Variants in PRB2 observed in about 807,000 individuals in gnomAD.
PRB2 encodes basic salivary proline-rich protein 2.
PRB2 carries 12 observed loss-of-function variants against 8.3 expected under a neutral mutation model. The observed-to-expected ratio is 1.45, with a 90% CI of 0.93 to 2.35. The LOEUF is 2.35. Among genes scored for constraint, PRB2 ranks in the 30% most tolerant of loss-of-function variants. The pLI is 0.00. For missense variants in PRB2, 470 were observed against 507.0 expected, an observed-to-expected ratio of 0.93 and a Z score of 0.70; for synonymous variants, 146 against 180.0, an observed-to-expected ratio of 0.81 and a Z score of 1.51.
Position 11,394,371 on chromosome 12 carries a change from A to G in PRB2, c.100+124T>C, listed in dbSNP as rs762101216. 5.8e-5 allele frequency: 72 copies of G among 1,232,938 alleles called. 1 individual carries two copies. Among genetic ancestry groups the G allele is most frequent in the Non-Finnish European group, 8.0e-5 (67 of 839,310 alleles). 76.4% of individuals were successfully genotyped at this position (1,232,938 alleles called of 1,614,324 possible). A position where few individuals can be genotyped will look rare whatever the true frequency, so the allele number is the denominator to read the frequency against. On this transcript the variant is annotated intron_variant, in intron 2 of 3. Transcript: ENST00000389362. ...AGGTTGCATGAAGAGTGCCTATATTATTAGGAGCACTAACATTAATCAATT... is the reference window on the plus strand; with the variant it reads ...AGGTTGCATGAAGAGTGCCTATATTGTTAGGAGCACTAACATTAATCAATT...
Position 11,394,482 on chromosome 12 carries a change from A to C in PRB2, c.100+13T>G. The C allele has an allele frequency of 1.2e-6, 2 of 1,612,224 alleles. No individual in the cohort carries two copies. The highest frequency in any genetic ancestry group is 1.7e-6 in the Non-Finnish European group (2 of 1,178,188). On this transcript the variant is annotated intron_variant, in intron 2 of 3. Transcript: ENST00000389362. ...AGACAGTCAGAACAGATTGAGAATG[A>C]ATCGGGATTTACCTGCTATTAGGGA...
chr12:11,394,346 A>G, intron 2 of PRB2, 149 bp downstream of exon 2: 1 of 1,028,926 alleles, frequency 9.7e-7, no homozygotes, highest in Non-Finnish European at 1.5e-6. Context: ...CCCAGAATCA[A>G]GGTTGCATGA....
chr12:11,395,171 C>T (rs1432984481), intron 1 of PRB2, among the ~76,000 whole-genome samples: 2 of 152,058 alleles, frequency 1.3e-5, no homozygotes, highest in Non-Finnish European at 2.9e-5. Flanking sequence ...CACAGCTGGA[C>T]TTCCATGAAT....
At chr12:11,392,731 C>A in intron 3 of PRB2, 63 bp downstream of exon 3, 1 of 943,762 alleles carries the variant, frequency 1.1e-6, no homozygotes, top group Non-Finnish European at 1.5e-6. Flanking sequence ...GATTCATTGG[C>A]ACAATAAAGC....
chr12:11,392,957 C>A lies in PRB2; in HGVS notation c.1121G>T (p.Gly374Val). 6.2e-7 allele frequency: 1 copy of A among 1,611,526 alleles called. No individual in the cohort carries two copies. Among genetic ancestry groups the A allele is most frequent in the Non-Finnish European group, 8.5e-7 (1 of 1,179,378 alleles). The change falls in exon 3 of 4, where the codon GGC (glycine) becomes GTC (valine). Residue 374 changes from glycine to valine, a missense_variant. Physicochemically the swap from Gly to Val is moderately radical, Grantham distance 109. Coordinates refer to ENST00000389362, the MANE Select transcript of PRB2 (RefSeq NM_006248.4). ...AGGTGGGGGACCTTGAGGATTGTTG[C>A]CTTCTTGTTGGGGTGGTCCTTGTGG... is the stretch of plus-strand genomic sequence containing the variant. ...GKPQGPPQQE[G>V]NNPQGPPPPA...
At chr12:11,394,021 A>G (rs760581127) in intron 2 of PRB2, 44 bp from the exon 3 acceptor site, 2 of 1,612,128 alleles carry the variant, frequency 1.2e-6, no homozygotes, top group East Asian at 4.5e-5. Context: ...AAAAGCCCAT[A>G]CAAGATTCCC....
intron 2 of PRB2, among the ~76,000 whole-genome samples, 176 bp downstream of exon 2, chr12:11,394,319 G>A (rs1051495784): frequency 7.9e-5 from 12 of 152,146 alleles, no homozygotes; most frequent in African/African-American, 2.9e-4. Flanking sequence ...GTTCAATTTG[G>A]TGGCCTGCTC....
intron 3 of PRB2, 144 bp from the exon 4 acceptor site, chr12:11,391,792 A>T (rs1864329796): frequency 4.5e-6 from 1 of 219,922 alleles, no homozygotes; most frequent in South Asian, 5.7e-5. Flanking sequence ...TTTCCTCCCT[A>T]ATTTTTTGTG....
intron 1 of PRB2, among the ~76,000 whole-genome samples, chr12:11,395,047 G>C (rs1864388570): frequency 6.6e-6 from 1 of 152,064 alleles, no homozygotes; most frequent in Non-Finnish European, 1.5e-5. Context: ...CCAATTCTCT[G>C]TCTCTGCAGT....
rs539183793 is a variant in PRB2 at position 11,393,427 on chromosome 12, A to C, written c.651T>G (p.Pro217=). 345 of 1,530,596 alleles carry C rather than the reference A, an allele frequency of 2.3e-4. 6 individuals carry two copies. The South Asian group carries it at 3.4e-3, about 15-fold the overall frequency. 94.8% of individuals were successfully genotyped at this position (1,530,596 alleles called of 1,614,324 possible). A position where few individuals can be genotyped will look rare whatever the true frequency, so the allele number is the denominator to read the frequency against. The stretch of plus-strand genomic sequence containing the variant: ...GGGGTGGTCCTTGTGGCTTTCCTGG[A>C]GGTGGGGGACCTTGAGGTTTGTTGC... ...QGGNKPQGPP[P]PGKPQGPPPQ... Residue 217 remains proline (P), a synonymous_variant, in exon 3 of 4, where the codon CCT becomes CCG. Transcript: ENST00000389362.
chr12:11,392,746 G>A, intron 3 of PRB2, 48 bp downstream of exon 3: 1 of 1,066,158 alleles, frequency 9.4e-7, no homozygotes, highest in Non-Finnish European at 1.3e-6. Flanking sequence ...TAAAGCTGGA[G>A]AGCTGTAGCA....
Position 11,394,543 on chromosome 12 carries a change from C to G in PRB2, c.65-13G>C. ...TCCTGGCTGACATCTAGAAGAGAAG[C>G]ACAGGATGATGGGAACAGTTACATC... On this transcript the variant is annotated splice_polypyrimidine_tract_variant and intron_variant, in intron 1 of 3. Transcript: ENST00000389362. 1 of 1,613,026 alleles carries G rather than the reference C, an allele frequency of 6.2e-7. No individual in the cohort carries two copies.
In PRB2 at chr12:11,393,318, G is replaced by C. The variant is rs368223654; in HGVS notation, c.760C>G (p.Gln254Glu). 2.8e-5 allele frequency: 43 copies of C among 1,539,584 alleles called. No individual in the cohort carries two copies. Among genetic ancestry groups the C allele is most frequent in the Non-Finnish European group, 3.5e-6 (4 of 1,150,184 alleles). The change falls in exon 3 of 4, where the codon CAA (glutamine) becomes GAA (glutamate). Residue 254 changes from glutamine to glutamate, a missense_variant. Transcript: ENST00000389362. Reference sequence around the variant, plus strand: ...TTTCCTGGAGGAGGTGGGGGACCTTGGGGCTGGTTGCCTCCTTGTGGGGGT... The same window carrying C: ...TTTCCTGGAGGAGGTGGGGGACCTTCGGGCTGGTTGCCTCCTTGTGGGGGT... ...GPPPQGGNQP[Q>E]GPPPPPGKPQ...
chr12:11,393,941 T>A lies in PRB2; in HGVS notation c.137A>T (p.Lys46Ile), dbSNP rs553003185. 1.9e-6 allele frequency: 3 copies of A among 1,575,976 alleles called. No homozygotes were observed. Among genetic ancestry groups the A allele is most frequent in the South Asian group, 2.2e-5 (2 of 89,858 alleles). Residue 46 changes from lysine to isoleucine, a missense_variant, in exon 3 of 4, where the codon AAA becomes ATA. Physicochemically the swap from Lys to Ile is moderately radical, Grantham distance 102. Transcript: ENST00000389362. ...PQGAPPQGGN[K>I]PQGPPSPPGK... ...TGGAGGAGATGGGGGACCTTGAGGT[T>A]TGTTGCCTCCTTGTGGGGGTGCTCC...
intron 2 of PRB2, among the ~76,000 whole-genome samples, chr12:11,394,284 G>C (rs147460603): frequency 3.9e-5 from 6 of 152,256 alleles, no homozygotes; most frequent in South Asian, 2.1e-4. Context: ...CACTCCTGCT[G>C]TCATCTAAGC....
At chr12:11,395,352 T>G (rs1176559911) in intron 1 of PRB2, 114 bp downstream of exon 1, 9 of 1,345,950 alleles carry the variant, frequency 6.7e-6, no homozygotes, top group Non-Finnish European at 8.5e-6. Flanking sequence ...ATCCTAGGCA[T>G]GAAAACTCTG....
At chr12:11,395,271 T>C (rs1226104424) in intron 1 of PRB2, among the ~76,000 whole-genome samples, 195 bp downstream of exon 1, 1 of 152,162 alleles carries the variant, frequency 6.6e-6, no homozygotes, top group Non-Finnish European at 1.5e-5. Context: ...ACAAATTCTT[T>C]ATTGGATTTC....
In PRB2 at chr12:11,393,137, T is replaced by C; in HGVS notation, c.941A>G (p.Gln314Arg). The part of the protein sequence containing the change: ...PQGPPPQGGN[Q>R]PQGPPPPPGK... ...TGGAGGAGGTGGGGGACCTTGAGGC[T>C]GGTTGCCTCCTTGTGGGGGTGGTCC... The change falls in exon 3 of 4, where the codon CAG becomes CGG. Residue 314 changes from glutamine (Q) to arginine (R), a missense_variant. By Grantham distance (43) the Gln-to-Arg change is conservative (BLOSUM62 1). This residue lies in a region of PRB2 where 205 missense variants were observed against 195.0 expected (regional missense o/e 1.05). Coordinates refer to ENST00000389362, the MANE Select transcript of PRB2 (RefSeq NM_006248.4). 6.3e-7 allele frequency: 1 copy of C among 1,589,092 alleles called. No homozygotes were observed. The highest frequency in any genetic ancestry group is 2.3e-5 in the East Asian group (1 of 43,972).
At chr12:11,391,914 G>C (rs1286589845) in intron 3 of PRB2, among the ~76,000 whole-genome samples, 19 of 120,678 alleles carry the variant, frequency 1.6e-4, no homozygotes, top group Non-Finnish European at 2.7e-4. Flanking sequence ...TTTGTTCACA[G>C]ATATATTTAC....
Sources: allele counts gnomAD v4.1 joint callset (sites outside exome capture counted in the v4.1 genomes callset), GRCh38; gene constraint gnomAD v4.1.1; regional missense constraint gnomAD v4.1.1; transcripts MANE v1.5; gene names NCBI Gene and HGNC (gene_info 2026-07-23, HGNC 2026-07-21).